The following EDN3 variants were observed in gnomAD, a reference collection of about 807,000 sequenced individuals.
EDN3 encodes endothelin 3.
Under a neutral mutation model 21.4 loss-of-function variants are expected in EDN3, and 9 were observed. That is an observed-to-expected ratio of 0.42 (90% CI 0.25 to 0.73). The LOEUF is 0.73. Among genes scored for constraint, EDN3 ranks in the 30% least tolerant of loss-of-function variants. EDN3 has a pLI of 0.26. For synonymous variants in EDN3, 133 were observed against 126.2 expected (o/e 1.05, Z -0.36); for missense variants, 327 against 309.4 (o/e 1.06, Z -0.43).
In EDN3 at chr20:59,322,302, A is replaced by G. The variant is rs1990596626; in HGVS notation, c.543-70A>G. Reference sequence around the variant, plus strand: ...TCATTGGTGGGGAAGAGGAAGTCATAATTTGACACCGAAAAACCAGCCACA... The same window carrying G: ...TCATTGGTGGGGAAGAGGAAGTCATGATTTGACACCGAAAAACCAGCCACA... On this transcript the variant is annotated intron_variant, in intron 3 of 4. Transcript: ENST00000337938. The surrounding 1 kb of genome is among the most constrained non-coding windows in gnomAD (Gnocchi z 4.1). The G allele has an allele frequency of 3.2e-6, 5 of 1,571,790 alleles. No homozygotes were observed. The highest frequency in any genetic ancestry group is 4.4e-6 in the Non-Finnish European group (5 of 1,141,630).
intron 1 of EDN3, 61 bp downstream of exon 1, chr20:59,300,925 G>A: frequency 6.3e-7 from 1 of 1,577,232 alleles, no homozygotes; most frequent in Non-Finnish European, 8.6e-7. Context: ...ACCCAGGGCG[G>A]GGGACCCGAG....
rs564035567 is a variant in EDN3 at position 59,322,466 on chromosome 20, G to A, written c.588+49G>A. On this transcript the variant is annotated intron_variant, in intron 4 of 4. Coordinates refer to ENST00000337938, the MANE Select transcript of EDN3 (RefSeq NM_207034.3). This position sits in a 1 kb window ranked among gnomAD's most constrained non-coding sequence, Gnocchi z 4.1. ...GTGTCAAAGGAGGTGAAGATGTGAC[G>A]TGTCATTCCTTCGGGGGTGGGTGGA... 194 of 1,612,750 alleles carry A rather than the reference G, an allele frequency of 1.2e-4. 1 individual carries two copies. The South Asian group carries it at 2.0e-3, about 16-fold the overall frequency.
At chr20:59,319,998 CT>C (rs1271378963) in intron 2 of EDN3, among the ~76,000 whole-genome samples, 1 of 152,242 alleles carries the variant, frequency 6.6e-6, no homozygotes, top group African/African-American at 2.4e-5. Flanking sequence ...TCCCGCTGAA[CT>C]GCCTGGCAGG....
chr20:59,301,322 T>C, intron 1 of EDN3, 88 bp from the exon 2 acceptor site: 1 of 1,483,386 alleles, frequency 6.7e-7, no homozygotes, highest in South Asian at 1.2e-5. Flanking sequence ...TTTTGCTTGC[T>C]CCACCCCCCT....
At position 59,321,028 on chromosome 20, in the gene EDN3, C is replaced by G; in HGVS notation, c.377C>G (p.Pro126Arg). ...IWINTPEQTV[P>R]YGLSNYRGSF... is the part of the protein sequence containing the mutation. ...CCTGTGCTTTGCAGACAGACGGTGC[C>G]CTATGGACTGTCCAACTACAGAGGA... Residue 126 changes from proline (P) to arginine (R), a missense_variant, in exon 3 of 5, where the codon CCC (proline) becomes CGC (arginine). Pro to Arg is a moderately radical substitution (Grantham distance 103). Transcript: ENST00000337938. 2 of 1,614,192 alleles carry G rather than the reference C, an allele frequency of 1.2e-6. No homozygotes were observed. The highest frequency in any genetic ancestry group is 1.7e-6 in the Non-Finnish European group (2 of 1,180,040).
intron 2 of EDN3, among the ~76,000 whole-genome samples, chr20:59,315,755 G>A (rs1600743390): frequency 6.6e-6 from 1 of 152,258 alleles, no homozygotes; most frequent in African/African-American, 2.4e-5. Context: ...TGAAAATGGT[G>A]GGGACTGGGG....
At chr20:59,320,062 C>T (rs947717210) in intron 2 of EDN3, among the ~76,000 whole-genome samples, 1 of 152,232 alleles carries the variant, frequency 6.6e-6, no homozygotes, top group African/African-American at 2.4e-5. Flanking sequence ...CTCACTAGAA[C>T]CAGCTTCCAC....
intron 2 of EDN3, among the ~76,000 whole-genome samples, chr20:59,302,967 AG>A (rs974697526): frequency 2.8e-4 from 42 of 152,298 alleles, no homozygotes; most frequent in African/African-American, 9.6e-4. Flanking sequence ...CTTTCAGACC[AG>A]GGGACAAGAC....
chr20:59,307,670 G>T (rs181850554), intron 2 of EDN3, among the ~76,000 whole-genome samples: 15 of 152,200 alleles, frequency 9.9e-5, no homozygotes, highest in African/African-American at 3.6e-4. Context: ...ATCCGTGACT[G>T]ATTAAGGGTG....
chr20:59,319,296 G>A (rs1179155910), intron 2 of EDN3, among the ~76,000 whole-genome samples: 1 of 152,086 alleles, frequency 6.6e-6, no homozygotes, highest in Non-Finnish European at 1.5e-5. Context: ...GCGGGGGCGG[G>A]GGACTCCCTC....
At chr20:59,319,988 T>C (rs1990425116) in intron 2 of EDN3, among the ~76,000 whole-genome samples, 1 of 152,208 alleles carries the variant, frequency 6.6e-6, no homozygotes, top group Admixed American at 6.5e-5. Flanking sequence ...TTCAACTTCT[T>C]CCCGCTGAAC....
At chr20:59,310,721 CA>C (rs1239633613) in intron 2 of EDN3, among the ~76,000 whole-genome samples, 1 of 152,140 alleles carries the variant, frequency 6.6e-6, no homozygotes, top group African/African-American at 2.4e-5. Flanking sequence ...ATTGAAAAAC[CA>C]GAAACAGCTT....
Position 59,320,974 on chromosome 20 carries a change from G to A in EDN3, c.366-43G>A, listed in dbSNP as rs764360714. 5 of 1,612,532 alleles carry A rather than the reference G, an allele frequency of 3.1e-6. No individual in the cohort carries two copies. In the South Asian group the frequency reaches 3.3e-5, roughly 11 times the overall value. On this transcript the variant is annotated intron_variant, in intron 2 of 4. Coordinates refer to ENST00000337938, the MANE Select transcript of EDN3 (RefSeq NM_207034.3). ...ACACCCTTGGGGGCCCCTGAGCAGGGAGGCCTGGGTGTGCTCACCTAACAT... is the reference window on the plus strand; with the variant it reads ...ACACCCTTGGGGGCCCCTGAGCAGGAAGGCCTGGGTGTGCTCACCTAACAT...
At chr20:59,316,292 C>T (rs760755399) in intron 2 of EDN3, among the ~76,000 whole-genome samples, 2 of 152,204 alleles carry the variant, frequency 1.3e-5, no homozygotes, top group African/African-American at 4.8e-5. Context: ...GGCAGGGCCC[C>T]GCCCCTTGTC....
intron 2 of EDN3, among the ~76,000 whole-genome samples, chr20:59,310,415 C>A (rs1989720729): frequency 6.6e-6 from 1 of 152,168 alleles, no homozygotes; most frequent in South Asian, 2.1e-4. Flanking sequence ...TACAGACAGC[C>A]ACATGTGAAT....
Position 59,301,403 on chromosome 20 carries a change from T to C in EDN3, c.53-7T>C. 6.2e-7 allele frequency: 1 copy of C among 1,608,104 alleles called. No homozygotes were observed. On this transcript the variant is annotated splice_region_variant and splice_polypyrimidine_tract_variant and intron_variant, in intron 1 of 4. Coordinates refer to ENST00000337938, the MANE Select transcript of EDN3 (RefSeq NM_207034.3). Reference sequence around the variant, plus strand: ...AGCTTAGGAGCCCCTCAATCTGCCTTCTGCAGGATTCGTGCCTTGCTCCCA... The same window carrying C: ...AGCTTAGGAGCCCCTCAATCTGCCTCCTGCAGGATTCGTGCCTTGCTCCCA...
In EDN3 at chr20:59,324,618, A is replaced by C; in HGVS notation, c.*159A>C. ...ACAATACCCCCCCCCCACGGCAAGA[A>C]TGCCCAAATCCGAATGACCCCAGTT... On this transcript the variant is annotated 3_prime_UTR_variant, in exon 5 of 5. Transcript: ENST00000337938. 4 of 995,678 alleles carry C rather than the reference A, an allele frequency of 4.0e-6. No homozygotes were observed. The highest frequency in any genetic ancestry group is 6.0e-6 in the Non-Finnish European group (4 of 666,924). 61.7% of individuals were successfully genotyped at this position (995,678 alleles called of 1,614,324 possible). A position where few individuals can be genotyped will look rare whatever the true frequency, so the allele number is the denominator to read the frequency against.
intron 2 of EDN3, among the ~76,000 whole-genome samples, chr20:59,302,229 T>A (rs1328920879): frequency 6.6e-6 from 1 of 152,104 alleles, no homozygotes; most frequent in African/African-American, 2.4e-5. Context: ...GGGGTAGAAT[T>A]CCCCTGGGAT....
intron 1 of EDN3, 98 bp from the exon 2 acceptor site, chr20:59,301,312 T>G: frequency 7.2e-6 from 10 of 1,396,492 alleles, no homozygotes; most frequent in East Asian, 2.4e-5. Flanking sequence ...TTTGCAGACA[T>G]TTTGCTTGCT....
Sources: gnomAD v4.1 joint callset for allele counts (sites outside exome capture counted in the v4.1 genomes callset) on GRCh38, gnomAD v4.1.1 for gene constraint, Gnocchi (gnomAD v3.1) non-coding constraint, MANE v1.5 for transcripts, NCBI Gene and HGNC (gene_info 2026-07-23, HGNC 2026-07-21) for gene names.